FBRSL1: variants seen among roughly 807,000 people sequenced by gnomAD.
The protein encoded by FBRSL1 is fibrosin-1-like protein.
Under a neutral mutation model 89.6 loss-of-function variants are expected in FBRSL1, and 51 were observed. The observed-to-expected ratio is 0.57, with a 90% CI of 0.45 to 0.72. FBRSL1 has a LOEUF of 0.72. Among genes scored for constraint, FBRSL1 ranks in the 30% least tolerant of loss-of-function variants. The probability of loss-of-function intolerance (pLI) is 0.00; values close to 1 mark genes in which losing one functional copy is unlikely to be tolerated. For synonymous variants in FBRSL1, 779 were observed against 681.1 expected (o/e 1.14, Z -2.24); for missense variants, 1,618 against 1,451.8 (o/e 1.11, Z -1.86).
chr12:132,514,318 G>A (rs969350356), intron 2 of FBRSL1, among the ~76,000 whole-genome samples: 1 of 152,200 alleles, frequency 6.6e-6, no homozygotes, highest in African/African-American at 2.4e-5. Context: ...TCCAGGGGGA[G>A]TCCTGGGGCC....
chr12:132,532,685 C>T (rs995345186), intron 4 of FBRSL1, among the ~76,000 whole-genome samples: 3 of 142,644 alleles, frequency 2.1e-5, no homozygotes, highest in Non-Finnish European at 3.1e-5. Context: ...GCCAAGGAGT[C>T]GCTGTCCCAG....
At chr12:132,550,534 C>T (rs2038070845) in intron 5 of FBRSL1, among the ~76,000 whole-genome samples, 1 of 152,150 alleles carries the variant, frequency 6.6e-6, no homozygotes, top group Non-Finnish European at 1.5e-5. Flanking sequence ...ACTGCAGGGG[C>T]CTCTCCTTGT....
intron 2 of FBRSL1, 89 bp downstream of exon 2, chr12:132,508,439 G>T: frequency 7.6e-7 from 1 of 1,322,302 alleles, no homozygotes; most frequent in Non-Finnish European, 1.0e-6. Context: ...ACCACGCCAC[G>T]TGGCCCCCGG....
Position 132,576,895 on chromosome 12 carries a change from C to A in FBRSL1, c.1798C>A (p.Pro600Thr), listed in dbSNP as rs1431831362. 7 of 1,550,500 alleles carry A rather than the reference C, an allele frequency of 4.5e-6. No homozygotes were observed. The highest frequency in any genetic ancestry group is 6.1e-6 in the Non-Finnish European group (7 of 1,146,732). The change falls in exon 15 of 19, where the codon CCA becomes ACA. Residue 600 changes from proline (P) to threonine (T), a missense_variant. Transcript: ENST00000680143. ...GGGCGTGTTTGCAGGCTTCCACTAC[C>A]CACAGGACCTGGCCCGGCCCCTCTT... The part of the protein sequence containing the change: ...APGVFAGFHY[P>T]QDLARPLFPS...
At chr12:132,571,267 C>T (rs2039989792) in intron 9 of FBRSL1, 36 bp downstream of exon 9, 2 of 1,488,714 alleles carry the variant, frequency 1.3e-6, no homozygotes, top group African/African-American at 1.4e-5. Flanking sequence ...GAGCCCGCGG[C>T]CAACGTGCCT....
rs1334699361 is a variant in FBRSL1 at position 132,490,240 on chromosome 12, C to T, written c.-331C>T. Reference sequence around the variant, plus strand: ...GCCTCCCGCCTGCCGCCTGCCGCGCCCGCCCGGCCCCGCCCGCTCGGCCCG... The same window carrying T: ...GCCTCCCGCCTGCCGCCTGCCGCGCTCGCCCGGCCCCGCCCGCTCGGCCCG... On this transcript the variant is annotated 5_prime_UTR_variant, in exon 1 of 19. Coordinates refer to ENST00000680143, the MANE Select transcript of FBRSL1 (RefSeq NM_001367871.1). 3 of 144,792 alleles carry T rather than the reference C, an allele frequency of 2.1e-5. No individual in the cohort carries two copies. Among genetic ancestry groups the T allele is most frequent in the African/African-American group, 7.5e-5 (3 of 40,212 alleles). 9.0% of individuals were successfully genotyped at this position (144,792 alleles called of 1,614,324 possible).
chr12:132,534,961 C>T (rs2036588050), intron 4 of FBRSL1, among the ~76,000 whole-genome samples: 1 of 152,232 alleles, frequency 6.6e-6, no homozygotes, highest in African/African-American at 2.4e-5. Flanking sequence ...AGCCATCCAC[C>T]AGGCAGGACA....
chr12:132,515,709 G>A (rs1282220724), intron 2 of FBRSL1, among the ~76,000 whole-genome samples: 3 of 152,002 alleles, frequency 2.0e-5, no homozygotes, highest in Non-Finnish European at 4.4e-5. Context: ...AGACCAGCCT[G>A]GCCAACATGG....
chr12:132,559,164 C>T (rs374918265), intron 5 of FBRSL1, among the ~76,000 whole-genome samples: 1 of 152,258 alleles, frequency 6.6e-6, no homozygotes, highest in African/African-American at 2.4e-5. Flanking sequence ...CTTCCTGTCC[C>T]TCCCGGCCAC....
intron 14 of FBRSL1, 65 bp downstream of exon 14, chr12:132,574,629 G>A: frequency 2.0e-6 from 3 of 1,518,762 alleles, no homozygotes; most frequent in Non-Finnish European, 2.6e-6. Flanking sequence ...GGGCCCTGAA[G>A]GCCAGGCATG....
rs1216270907 is a variant in FBRSL1, at chr12:132,490,532, G to C, written c.-39G>C. 1 of 978,958 alleles carries C rather than the reference G, an allele frequency of 1.0e-6. No individual in the cohort carries two copies. The highest frequency in any genetic ancestry group is 1.2e-6 in the Non-Finnish European group (1 of 826,770). 60.6% of individuals were successfully genotyped at this position (978,958 alleles called of 1,614,324 possible). ...CCGCCTGCTGCGAGCCAGGCGCGGG[G>C]CGTCAAGGTCACCGGCCCGACGGGG... is the stretch of plus-strand genomic sequence containing the variant. On this transcript the variant is annotated 5_prime_UTR_variant, in exon 1 of 19. Transcript: ENST00000680143.
intron 2 of FBRSL1, chr12:132,509,333 G>A (rs890102902): frequency 8.0e-7 from 1 of 1,248,222 alleles, no homozygotes; most frequent in African/African-American, 1.6e-5. Flanking sequence ...CCTCCCAGCG[G>A]CCACTCCTGG....
chr12:132,508,169 A>G lies in FBRSL1; in HGVS notation c.308A>G (p.Lys103Arg), dbSNP rs573263046. 1 of 1,551,188 alleles carries G rather than the reference A, an allele frequency of 6.4e-7. No homozygotes were observed. The highest frequency in any genetic ancestry group is 1.2e-5 in the South Asian group (1 of 84,064). ...LEALEKDMAL[K>R]PHERKEKWER... ...TCCCTGCAGAAGGATATGGCCCTGAAGCCACATGAGCGGAAGGAGAAGTGG... is the reference window on the plus strand; with the variant it reads ...TCCCTGCAGAAGGATATGGCCCTGAGGCCACATGAGCGGAAGGAGAAGTGG... The change falls in exon 2 of 19, where the codon AAG (lysine) becomes AGG (arginine). Residue 103 changes from lysine (K) to arginine (R), a missense_variant. Coordinates refer to ENST00000680143, the MANE Select transcript of FBRSL1 (RefSeq NM_001367871.1).
intron 2 of FBRSL1, chr12:132,510,108 G>A: frequency 8.2e-7 from 1 of 1,225,420 alleles, no homozygotes; most frequent in Non-Finnish European, 1.0e-6. Context: ...CATGGGCCCG[G>A]AGCAGCCCTG....
At chr12:132,502,830 C>T (rs1475169290) in intron 1 of FBRSL1, among the ~76,000 whole-genome samples, 1 of 118,302 alleles carries the variant, frequency 8.5e-6, no homozygotes, top group Non-Finnish European at 1.8e-5. Context: ...CCCTCCTGTC[C>T]TCACCCTCTC....
Position 132,580,756 on chromosome 12 carries a change from C to T in FBRSL1, c.1835-683C>T, listed in dbSNP as rs773356549. On this transcript the variant is annotated intron_variant, in intron 15 of 18. Transcript: ENST00000680143. ...CCTAAGATTAGGGCTGGGAGGGAGT[C>T]GGAGTAACCTAAAGATGACGCCCTG... is the stretch of plus-strand genomic sequence containing the variant. 1.4e-5 allele frequency: 14 copies of T among 985,330 alleles called. No homozygotes were observed. In the Admixed American group the frequency reaches 4.3e-4, roughly 30 times the overall value. 61.0% of individuals were successfully genotyped at this position (985,330 alleles called of 1,614,324 possible). A position where few individuals can be genotyped will look rare whatever the true frequency, so the allele number is the denominator to read the frequency against.
intron 2 of FBRSL1, chr12:132,510,567 G>C: frequency 8.1e-7 from 1 of 1,231,058 alleles, no homozygotes; most frequent in Non-Finnish European, 1.0e-6. Flanking sequence ...TGCCGGACTA[G>C]CCTGAGGCCT....
chr12:132,510,188 C>T (rs180952936), intron 2 of FBRSL1: 48 of 1,231,584 alleles, frequency 3.9e-5, no homozygotes, highest in Admixed American at 4.2e-5. Flanking sequence ...TGGGCCCCAA[C>T]AAGCCCTGCA....
intron 4 of FBRSL1, among the ~76,000 whole-genome samples, chr12:132,530,182 C>T (rs1205297522): frequency 6.6e-6 from 1 of 152,136 alleles, no homozygotes; most frequent in Non-Finnish European, 1.5e-5. Flanking sequence ...GATGACACTC[C>T]TCCGCCCTTC....
Sources: gnomAD v4.1 joint callset for allele counts (sites outside exome capture counted in the v4.1 genomes callset) on GRCh38, gnomAD v4.1.1 for gene constraint, MANE v1.5 for transcripts, NCBI Gene and HGNC (gene_info 2026-07-23, HGNC 2026-07-21) for gene names.